ANKRD26: variants seen among roughly 807,000 people sequenced by gnomAD.
The protein encoded by ANKRD26 is ankyrin repeat domain-containing protein 26.
ANKRD26 carries 141 observed loss-of-function variants against 208.7 expected under a neutral mutation model. That is an observed-to-expected ratio of 0.68 (90% CI 0.59 to 0.78). The LOEUF (loss-of-function observed/expected upper bound fraction) is 0.78. Ranked by LOEUF, ANKRD26 falls within the 30% of genes least tolerant of loss-of-function variation. ANKRD26 has a pLI of 0.00. For missense variants in ANKRD26, 1,889 were observed against 1,938.7 expected, an observed-to-expected ratio of 0.97 and a Z score of 0.48; for synonymous variants, 636 against 660.4, an observed-to-expected ratio of 0.96 and a Z score of 0.57.
chr10:27,033,384 A>G lies in ANKRD26; in HGVS notation c.3655-7T>C. 1 of 1,607,438 alleles carries G rather than the reference A, an allele frequency of 6.2e-7. No homozygotes were observed. Among genetic ancestry groups the G allele is most frequent in the Non-Finnish European group, 8.5e-7 (1 of 1,176,206 alleles). ...GAAGTTGTCTCACAACAACCTGATA[A>G]GACATTTTGTTACTGATTTTATAAA... On this transcript the variant is annotated splice_polypyrimidine_tract_variant and splice_region_variant and intron_variant, in intron 24 of 33. Transcript: ENST00000376087.
intron 20 of ANKRD26, among the ~76,000 whole-genome samples, chr10:27,040,721 C>T (rs939090608): frequency 6.6e-6 from 1 of 152,058 alleles, no homozygotes; most frequent in Non-Finnish European, 1.5e-5. Context: ...ACACAAGGAT[C>T]CCTGACAGAC....
rs1589253091 is a variant in ANKRD26, at chr10:27,035,418, G to C, written c.3032C>G (p.Ser1011Cys). Reference protein sequence around the residue: ...RLEAEVESYHSRLAAAIHDRD... With the variant: ...RLEAEVESYHCRLAAAIHDRD... ...ATCATGTATAGCAGCAGCCAATCTA[G>C]AATGGTATGATTCAACTTCTGCTTC... Residue 1011 changes from serine to cysteine, a missense_variant, in exon 24 of 34, where the codon TCT becomes TGT. Ser to Cys is a moderately radical substitution (Grantham distance 112, BLOSUM62 -1). Around this residue, in one of 3 missense-constraint regions of ANKRD26, gnomAD observed 1,272 missense variants for 1,273.8 expected, o/e 1.00. Coordinates refer to ENST00000376087, the MANE Select transcript of ANKRD26 (RefSeq NM_014915.3). 1 of 1,613,920 alleles carries C rather than the reference G, an allele frequency of 6.2e-7. No homozygotes were observed. Among genetic ancestry groups the C allele is most frequent in the East Asian group, 2.2e-5 (1 of 44,862 alleles).
downstream of ANKRD26, among the ~76,000 whole-genome samples, chr10:26,972,195 A>G (rs1189220543): frequency 6.6e-6 from 1 of 150,826 alleles, no homozygotes; most frequent in Admixed American, 6.6e-5. Flanking sequence ...AGATCGTGCC[A>G]CTGCACTCCA....
At chr10:27,022,290 G>C (rs1483387505) in intron 29 of ANKRD26, among the ~76,000 whole-genome samples, 1 of 151,978 alleles carries the variant, frequency 6.6e-6, no homozygotes, top group Non-Finnish European at 1.5e-5. Context: ...AGAAGGGAGA[G>C]GAATCAAGAA....
the ANKRD26 span, among the ~76,000 whole-genome samples, chr10:26,953,514 G>A: frequency 2.0e-5 from 3 of 152,276 alleles, no homozygotes; most frequent in Admixed American, 2.0e-4. Flanking sequence ...GATGTTACTA[G>A]ATAAATGATC....
chr10:26,970,369 G>A (rs950255490), downstream of ANKRD26, among the ~76,000 whole-genome samples: 6 of 152,114 alleles, frequency 3.9e-5, no homozygotes, highest in Non-Finnish European at 8.8e-5. Context: ...GTGTTTTCTC[G>A]TGAGATCTAG....
At chr10:27,040,212 G>A (rs1342472535) in intron 20 of ANKRD26, 34 bp from the exon 21 acceptor site, 2 of 1,502,360 alleles carry the variant, frequency 1.3e-6, no homozygotes, top group South Asian at 1.1e-5. Flanking sequence ...AGAAATATAT[G>A]AGCATTTTTC....
intron 5 of ANKRD26, among the ~76,000 whole-genome samples, chr10:26,979,877 G>A (rs2052281747): frequency 6.6e-6 from 1 of 152,146 alleles, no homozygotes; most frequent in African/African-American, 2.4e-5. Flanking sequence ...GAGGCTAACA[G>A]GTTTGAGAAG....
chr10:27,038,434 G>C (rs1414392535), intron 21 of ANKRD26, among the ~76,000 whole-genome samples: 1 of 152,112 alleles, frequency 6.6e-6, no homozygotes, highest in Non-Finnish European at 1.5e-5. Context: ...CAGATCACTT[G>C]AAGTCAGGAG....
At chr10:26,974,815 T>A (rs999667502) in exon 6 of ANKRD26, among the ~76,000 whole-genome samples, 1 of 152,264 alleles carries the variant, frequency 6.6e-6, no homozygotes, top group Non-Finnish European at 1.5e-5. Flanking sequence ...CTCTCAGCGT[T>A]CTGAAGATAT....
chr10:26,960,381 C>T, the ANKRD26 span, among the ~76,000 whole-genome samples: 6 of 152,276 alleles, frequency 3.9e-5, no homozygotes, highest in Admixed American at 1.3e-4. Flanking sequence ...GAAAAATAGA[C>T]GGCCCCAGCT....
In ANKRD26 at chr10:27,028,980, G is replaced by A. The variant is rs760234895; in HGVS notation, c.3879-35C>T. 3 of 1,507,122 alleles carry A rather than the reference G, an allele frequency of 2.0e-6. No individual in the cohort carries two copies. The East Asian group carries it at 7.2e-5, about 36-fold the overall frequency. 93.4% of individuals were successfully genotyped at this position (1,507,122 alleles called of 1,614,324 possible). On this transcript the variant is annotated intron_variant, in intron 26 of 33. Transcript: ENST00000376087. The stretch of plus-strand genomic sequence containing the variant: ...ATATTTTAAAATAATTATTCTCACA[G>A]ATAAATTTTTAAAATACTGTGTAAT...
At chr10:27,037,798 T>C (rs760816041) in intron 22 of ANKRD26, 73 bp downstream of exon 22, 30 of 1,228,416 alleles carry the variant, frequency 2.4e-5, no homozygotes, top group Middle Eastern at 2.7e-4. Flanking sequence ...TAACATATAT[T>C]AAATCAAAAG....
exon 6 of ANKRD26, among the ~76,000 whole-genome samples, chr10:26,974,212 T>C (rs897348969): frequency 6.6e-6 from 1 of 152,174 alleles, no homozygotes; most frequent in Non-Finnish European, 1.5e-5. Context: ...ATATTTTACA[T>C]GTTCCTTTTT....
At chr10:27,023,084 T>G (rs1029291758) in intron 28 of ANKRD26, among the ~76,000 whole-genome samples, 1 of 152,192 alleles carries the variant, frequency 6.6e-6, no homozygotes, top group African/African-American at 2.4e-5. Flanking sequence ...ATTCCAGCAC[T>G]TTGGGAGACC....
At chr10:27,001,532 A>G (rs192882583), downstream of ANKRD26, among the ~76,000 whole-genome samples, 20 of 152,310 alleles carry the variant, frequency 1.3e-4, no homozygotes, top group Non-Finnish European at 2.2e-4. Flanking sequence ...AAGATTGGTT[A>G]GACCAGGTAT....
At chr10:27,018,827 A>G (rs951398088) in intron 29 of ANKRD26, among the ~76,000 whole-genome samples, 2 of 152,228 alleles carry the variant, frequency 1.3e-5, no homozygotes, top group Non-Finnish European at 2.9e-5. Context: ...ACCATATACT[A>G]AAATCAACTC....
In ANKRD26 at chr10:27,017,792, T is replaced by C; in HGVS notation, c.4216A>G (p.Ile1406Val). The change falls in exon 30 of 34, where the codon ATT becomes GTT. Residue 1406 changes from isoleucine to valine, a missense_variant and splice_region_variant. This residue lies in a region of ANKRD26 where 613 missense variants were observed against 648.2 expected (regional missense o/e 0.95). Transcript: ENST00000376087. ...DIQINKLKHKIDDLTAELETA... is the reference protein window; with the variant it reads ...DIQINKLKHKVDDLTAELETA... ...TCCAGTTCTGCTGTAAGATCATCAA[T>C]CTGAATGAAGACAATAATATAGTGT... 1 of 1,611,714 alleles carries C rather than the reference T, an allele frequency of 6.2e-7. No individual in the cohort carries two copies. The highest frequency in any genetic ancestry group is 1.7e-5 in the Admixed American group (1 of 59,958).
At chr10:27,091,856 G>C (rs1299032862) in intron 4 of ANKRD26, among the ~76,000 whole-genome samples, 2 of 152,020 alleles carry the variant, frequency 1.3e-5, no homozygotes, top group Non-Finnish European at 2.9e-5. Flanking sequence ...GTGTGGTGGT[G>C]TGCACCAGTA....
Sources: allele counts gnomAD v4.1 joint callset (sites outside exome capture counted in the v4.1 genomes callset), GRCh38; gene constraint gnomAD v4.1.1; regional missense constraint gnomAD v4.1.1; transcripts MANE v1.5; gene names NCBI Gene and HGNC (gene_info 2026-07-23, HGNC 2026-07-21).